Variants in ADCY2 observed in about 807,000 individuals in gnomAD.
ADCY2 encodes the protein adenylate cyclase 2.
A neutral mutation model predicts 125.2 loss-of-function variants in ADCY2; 31 were observed. The ratio of observed to expected loss-of-function variants is 0.25; its 90% CI spans 0.19 to 0.33. ADCY2 has a LOEUF of 0.33. Ranked by LOEUF, ADCY2 falls within the 10% of genes least tolerant of loss-of-function variation. ADCY2 has a pLI of 1.00. For missense variants in ADCY2, 904 were observed against 1,418.2 expected (o/e 0.64, Z 5.82); for synonymous variants, 512 against 548.4 (o/e 0.93, Z 0.93).
chr5:7,490,660 C>G (rs1030804821), intron 2 of ADCY2, among the ~76,000 whole-genome samples: 2 of 151,926 alleles, frequency 1.3e-5, no homozygotes, highest in African/African-American at 4.8e-5. Context: ...CACATGCATG[C>G]ATGCACACAC....
intron 1 of ADCY2, among the ~76,000 whole-genome samples, chr5:7,397,247 C>T (rs1739085020): frequency 6.6e-6 from 1 of 152,094 alleles, no homozygotes; most frequent in Non-Finnish European, 1.5e-5. Flanking sequence ...TATAATGCAG[C>T]TCAACAGCTG....
chr5:7,659,676 C>G (rs1008716032), intron 4 of ADCY2, among the ~76,000 whole-genome samples: 1 of 152,190 alleles, frequency 6.6e-6, no homozygotes, highest in Non-Finnish European at 1.5e-5. Flanking sequence ...GCCGACACCA[C>G]CAGAATGACC....
At chr5:7,679,241 T>G (rs887881520) in intron 4 of ADCY2, among the ~76,000 whole-genome samples, 7 of 152,030 alleles carry the variant, frequency 4.6e-5, no homozygotes, top group Non-Finnish European at 1.0e-4. Flanking sequence ...TGGGTGGAAA[T>G]GACGTGATGG....
intron 4 of ADCY2, among the ~76,000 whole-genome samples, chr5:7,672,483 T>C (rs1739969347): frequency 6.6e-6 from 1 of 152,018 alleles, no homozygotes; most frequent in Non-Finnish European, 1.5e-5. Context: ...AAGAATGGTT[T>C]TTATATTGTT....
intron 2 of ADCY2, among the ~76,000 whole-genome samples, chr5:7,512,570 T>C (rs377633701): frequency 9.9e-5 from 15 of 152,278 alleles, no homozygotes; most frequent in African/African-American, 2.4e-4. Context: ...CAGAGATTCA[T>C]TGGAGTTGGG....
intron 3 of ADCY2, among the ~76,000 whole-genome samples, chr5:7,529,629 A>G (rs1364035743): frequency 6.6e-6 from 1 of 152,188 alleles, no homozygotes; most frequent in African/African-American, 2.4e-5. Flanking sequence ...TGCTTCTCCT[A>G]CTTCACAGCT....
At chr5:7,413,453 G>C (rs185283429) in intron 1 of ADCY2, among the ~76,000 whole-genome samples, 66 of 148,568 alleles carry the variant, frequency 4.4e-4, no homozygotes, top group Middle Eastern at 3.2e-3. Context: ...GCCACCACGC[G>C]CGGCTAATTT....
chr5:7,717,292 A>AT, intron 12 of ADCY2, 55 bp downstream of exon 12: 1 of 1,302,246 alleles, frequency 7.7e-7, no homozygotes, highest in Non-Finnish European at 1.1e-6. Flanking sequence ...TTCCAGTTGT[A>AT]TTTTATCATG....
At chr5:7,472,847 G>C (rs1322745049) in intron 2 of ADCY2, among the ~76,000 whole-genome samples, 2 of 152,110 alleles carry the variant, frequency 1.3e-5, no homozygotes, top group Admixed American at 1.3e-4. Context: ...ACTGGTTCCT[G>C]CTCCACTCTC....
intron 3 of ADCY2, among the ~76,000 whole-genome samples, chr5:7,524,953 C>T (rs540837648): frequency 6.6e-6 from 1 of 152,042 alleles, no homozygotes; most frequent in Admixed American, 6.6e-5. Context: ...CTTGTATTTT[C>T]CTATTTTATT....
In ADCY2 at chr5:7,465,715, A is replaced by G. The variant is rs190172058; in HGVS notation, c.408+50945A>G. ...GTTAGGATGACAGTTTTACAGCTCA[A>G]TGAAATTTTACATATGTGTGTGTAT... On this transcript the variant is annotated intron_variant, in intron 2 of 24. Transcript: ENST00000338316. Among the ~76,000 whole-genome samples the G allele has an allele frequency of 5.3e-5, 8 of 152,342 alleles. No homozygotes were observed. The East Asian group carries it at 7.7e-4, about 15-fold the overall frequency.
intron 18 of ADCY2, among the ~76,000 whole-genome samples, chr5:7,773,810 G>T (rs550391538): frequency 6.6e-6 from 1 of 152,240 alleles, no homozygotes; most frequent in African/African-American, 2.4e-5. Flanking sequence ...ACTCACTGAG[G>T]TTTATAACCG....
Position 7,826,803 on chromosome 5 carries a change from G to A in ADCY2, c.3208G>A (p.Asp1070Asn). The A allele has an allele frequency of 6.2e-7, 1 of 1,614,150 alleles. No individual in the cohort carries two copies. The highest frequency in any genetic ancestry group is 8.5e-7 in the Non-Finnish European group (1 of 1,180,040). ...AATAATCAACGTGAAAGGAAAGGGG[G>A]ACCTGAAGACGTACTTTGTAAACAC... ...RGIINVKGKG[D>N]LKTYFVNTEM... The change falls in exon 25 of 25, where the codon GAC becomes AAC. Residue 1070 changes from aspartate to asparagine, a missense_variant. Asp to Asn is a conservative substitution (Grantham distance 23). This residue lies in a region of ADCY2 where 181 missense variants were observed against 381.6 expected (regional missense o/e 0.47). Transcript: ENST00000338316.
At chr5:7,712,794 A>G in intron 10 of ADCY2, 62 bp from the exon 11 acceptor site, 5 of 1,143,854 alleles carry the variant, frequency 4.4e-6, no homozygotes, top group African/African-American at 1.5e-5. Flanking sequence ...TCACCTAATT[A>G]TCATTGCAAC....
chr5:7,618,440 C>G (rs1737838936), intron 3 of ADCY2, among the ~76,000 whole-genome samples: 1 of 152,156 alleles, frequency 6.6e-6, no homozygotes, highest in African/African-American at 2.4e-5. Flanking sequence ...CACATTTTCT[C>G]CCTTCTTGTG....
chr5:7,690,875 A>T lies in ADCY2; in HGVS notation c.869+36A>T. On this transcript the variant is annotated intron_variant, in intron 5 of 24. Transcript: ENST00000338316. ...ATGCTTGCTCCTTGGCTGGTCTGGG[A>T]GTCTGCCTGACTGGAGACATTTTGC... 1.3e-6 allele frequency: 2 copies of T among 1,482,524 alleles called. 1 individual carries two copies. The highest frequency in any genetic ancestry group is 2.9e-5 in the South Asian group (2 of 69,012). 91.8% of individuals were successfully genotyped at this position (1,482,524 alleles called of 1,614,324 possible).
At chr5:7,706,642 A>C in intron 7 of ADCY2, 102 bp from the exon 8 acceptor site, 1 of 1,381,740 alleles carries the variant, frequency 7.2e-7, no homozygotes, top group Non-Finnish European at 1.0e-6. Context: ...CATTTCCGAC[A>C]GTTTGAAAAA....
chr5:7,487,319 C>A (rs1742972595), intron 2 of ADCY2, among the ~76,000 whole-genome samples: 1 of 152,146 alleles, frequency 6.6e-6, no homozygotes, highest in South Asian at 2.1e-4. Context: ...CTGAAATGAC[C>A]CCCACCATCA....
At chr5:7,715,116 C>T (rs79718418) in intron 11 of ADCY2, among the ~76,000 whole-genome samples, 3 of 152,186 alleles carry the variant, frequency 2.0e-5, no homozygotes, top group Admixed American at 2.0e-4. Flanking sequence ...CCCAGGGGAC[C>T]TTATCCTCTC....
Sources: gnomAD v4.1 joint callset for allele counts (sites outside exome capture counted in the v4.1 genomes callset) on GRCh38, gnomAD v4.1.1 for gene constraint, gnomAD v4.1.1 regional missense constraint, MANE v1.5 for transcripts, NCBI Gene and HGNC (gene_info 2026-07-23, HGNC 2026-07-21) for gene names.